Variants in CRYBG1 observed in about 807,000 individuals in gnomAD.
CRYBG1 encodes beta/gamma crystallin domain-containing protein 1.
A neutral mutation model predicts 189.2 loss-of-function variants in CRYBG1; 139 were observed. That is an observed-to-expected ratio of 0.73 (90% CI 0.64 to 0.85). The LOEUF (loss-of-function observed/expected upper bound fraction) is 0.85. CRYBG1 is among the 40% of genes least tolerant of loss of function. CRYBG1 has a pLI of 0.00. For missense variants in CRYBG1, 2,611 were observed against 2,675.8 expected, an observed-to-expected ratio of 0.98 and a Z score of 0.53; for synonymous variants, 1,023 against 1,017.1, an observed-to-expected ratio of 1.01 and a Z score of -0.11.
chr6:106,550,365 G>A (rs1415545685), intron 13 of CRYBG1, among the ~76,000 whole-genome samples: 1 of 152,156 alleles, frequency 6.6e-6, no homozygotes, highest in Non-Finnish European at 1.5e-5. Flanking sequence ...AGAGGATCAT[G>A]AGAATGATGA....
intron 1 of CRYBG1, among the ~76,000 whole-genome samples, chr6:106,413,293 T>A (rs1037763937): frequency 5.3e-5 from 8 of 152,154 alleles, no homozygotes; most frequent in Non-Finnish European, 1.0e-4. Context: ...AATCACACAG[T>A]CAGAGCAGGT....
chr6:106,482,193 T>C (rs1048852017), intron 2 of CRYBG1, among the ~76,000 whole-genome samples: 3 of 152,244 alleles, frequency 2.0e-5, no homozygotes, highest in South Asian at 4.1e-4. Flanking sequence ...GTAGAACTCA[T>C]AGCAACTTGC....
Position 106,451,675 on chromosome 6 carries a change from G to A in CRYBG1, c.174-19G>A, listed in dbSNP as rs1203650015. ...TTGTTCATAGTGTATTGACATGACT[G>A]TGGTTCCGTTCTTTGCAGAGCTTTG... On this transcript the variant is annotated intron_variant, in intron 1 of 21. Transcript: ENST00000633556. 2 of 1,528,838 alleles carry A rather than the reference G, an allele frequency of 1.3e-6. No homozygotes were observed. Among genetic ancestry groups the A allele is most frequent in the African/African-American group, 1.4e-5 (1 of 72,916 alleles). The allele number at this position is 1,528,838 out of a possible 1,614,324, so 94.7% of individuals were successfully genotyped here. A position where few individuals can be genotyped will look rare whatever the true frequency, so the allele number is the denominator to read the frequency against.
At chr6:106,555,680 T>G in intron 16 of CRYBG1, 88 bp from the exon 17 acceptor site, 1 of 1,470,556 alleles carries the variant, frequency 6.8e-7, no homozygotes, top group Non-Finnish European at 9.2e-7. Flanking sequence ...GTTTATTTTA[T>G]AGCAGGCCAC....
At position 106,456,444 on chromosome 6, in the gene CRYBG1, G is replaced by A. The variant is rs550482554; in HGVS notation, c.312+4612G>A. Among the ~76,000 whole-genome samples, 194 of 152,014 alleles carry A rather than the reference G, an allele frequency of 1.3e-3. 1 individual carries two copies. Among genetic ancestry groups the A allele is most frequent in the South Asian group, 8.9e-3 (43 of 4,820 alleles). ...CCCAAAGTGCTGGGATTACAGGCAT[G>A]AGCCACTACACCTGGCCTTAACAGC... is the stretch of plus-strand genomic sequence containing the variant. On this transcript the variant is annotated intron_variant, in intron 2 of 21. Coordinates refer to ENST00000633556, the MANE Select transcript of CRYBG1 (RefSeq NM_001371242.2).
Position 106,557,268 on chromosome 6 carries a change from A to G in CRYBG1, c.5716-1218A>G, listed in dbSNP as rs752593763. 1.6e-3 allele frequency among the ~76,000 whole-genome samples: 248 copies of G among 152,308 alleles called. 1 individual carries two copies. The highest frequency in any genetic ancestry group is 7.1e-4 in the Non-Finnish European group (48 of 68,024). ...TAGACCACACAAACTACTTCTACAC[A>G]CTAACATGCTCTGTTTACTGATGGA... On this transcript the variant is annotated intron_variant, in intron 17 of 21. Coordinates refer to ENST00000633556, the MANE Select transcript of CRYBG1 (RefSeq NM_001371242.2).
At position 106,519,286 on chromosome 6, in the gene CRYBG1, C is replaced by A; in HGVS notation, c.2078C>A (p.Pro693Gln). 6.2e-7 allele frequency: 1 copy of A among 1,614,032 alleles called. No individual in the cohort carries two copies. Among genetic ancestry groups the A allele is most frequent in the South Asian group, 1.1e-5 (1 of 91,070 alleles). ...GAAAACAAACGGACAAACAGTAGCC[C>A]AAGACACACTGACATTCGAGGCCAA... ...LFENKRTNSSPRHTDIRGQRN... is the reference protein window; with the variant it reads ...LFENKRTNSSQRHTDIRGQRN... The change falls in exon 4 of 22, where the codon CCA becomes CAA. Residue 693 changes from proline (P) to glutamine (Q), a missense_variant. Physicochemically the swap from Pro to Gln is moderately conservative, Grantham distance 76. Around this residue, in one of 3 missense-constraint regions of CRYBG1, gnomAD observed 1,622 missense variants for 1,735.0 expected, o/e 0.93. Transcript: ENST00000633556.
At chr6:106,436,361 C>G (rs796689503) in intron 1 of CRYBG1, among the ~76,000 whole-genome samples, 3 of 150,424 alleles carry the variant, frequency 2.0e-5, no homozygotes, top group Non-Finnish European at 2.9e-5. Flanking sequence ...TGCAGCGGCG[C>G]GATCTCGGCC....
chr6:106,514,145 C>G (rs1462145), intron 3 of CRYBG1, among the ~76,000 whole-genome samples: 36,026 of 152,066 alleles, frequency 0.24, 4,764 homozygotes, highest in Non-Finnish European at 0.3. Context: ...GGCCTTGTGC[C>G]TTGATGATAA....
At chr6:106,457,958 TAAA>T in intron 2 of CRYBG1, among the ~76,000 whole-genome samples, 1 of 152,346 alleles carries the variant, frequency 6.6e-6, no homozygotes, top group South Asian at 2.1e-4. Flanking sequence ...GATGCATTAA[TAAA>T]CTATGGAAAT....
chr6:106,483,403 A>ATATATAT (rs1448906912), intron 2 of CRYBG1, among the ~76,000 whole-genome samples: 68 of 105,076 alleles, frequency 6.5e-4, no homozygotes, highest in African/African-American at 1.6e-3. Context: ...TATATATATA[A>ATATATAT]AACATTTTCT....
intron 8 of CRYBG1, among the ~76,000 whole-genome samples, chr6:106,532,678 A>C (rs1169724257): frequency 6.6e-6 from 1 of 152,166 alleles, no homozygotes; most frequent in Non-Finnish European, 1.5e-5. Context: ...ACATTTTTTC[A>C]TATACCTCTT....
intron 9 of CRYBG1, 77 bp downstream of exon 9, chr6:106,539,606 A>G (rs1774084337): frequency 3.3e-6 from 5 of 1,497,328 alleles, no homozygotes; most frequent in Admixed American, 4.4e-5. Flanking sequence ...GTGACTTTGA[A>G]GCAATAAAGC....
At chr6:106,465,183 C>T (rs1772087349) in intron 2 of CRYBG1, among the ~76,000 whole-genome samples, 1 of 152,124 alleles carries the variant, frequency 6.6e-6, no homozygotes, top group African/African-American at 2.4e-5. Context: ...ATCTCTTCTC[C>T]ACGTGACCTT....
intron 2 of CRYBG1, among the ~76,000 whole-genome samples, chr6:106,471,696 T>A (rs998073634): frequency 1.3e-5 from 2 of 151,988 alleles, no homozygotes; most frequent in Admixed American, 6.6e-5. Context: ...GGAAGTGACG[T>A]GGCAGCCTCT....
chr6:106,564,940 T>C (rs1357360247), intron 21 of CRYBG1, among the ~76,000 whole-genome samples: 1 of 152,206 alleles, frequency 6.6e-6, no homozygotes, highest in Non-Finnish European at 1.5e-5. Context: ...GTATATTACA[T>C]ACTCTATTTT....
At chr6:106,507,084 G>A (rs1053072217) in intron 2 of CRYBG1, among the ~76,000 whole-genome samples, 4 of 152,198 alleles carry the variant, frequency 2.6e-5, no homozygotes, top group Admixed American at 6.5e-5. Context: ...GCCACACCAC[G>A]AAGGTTGAGA....
Position 106,451,851 on chromosome 6 carries a change from T to G in CRYBG1, c.312+19T>G. 1 of 1,531,524 alleles carries G rather than the reference T, an allele frequency of 6.5e-7. No homozygotes were observed. The highest frequency in any genetic ancestry group is 8.7e-7 in the Non-Finnish European group (1 of 1,144,306). 94.9% of individuals were successfully genotyped at this position (1,531,524 alleles called of 1,614,324 possible). A position where few individuals can be genotyped will look rare whatever the true frequency, so the allele number is the denominator to read the frequency against. On this transcript the variant is annotated intron_variant, in intron 2 of 21. Transcript: ENST00000633556. ...TAAAAAGGTAATGCTTCATTTCTAA[T>G]GTTTGACTCCCAAGAATAAACCCTT...
intron 1 of CRYBG1, among the ~76,000 whole-genome samples, chr6:106,439,050 GAAA>G (rs11313505): frequency 6.1e-5 from 8 of 131,808 alleles, no homozygotes; most frequent in African/African-American, 1.7e-4. Flanking sequence ...CTTAAAAAAT[GAAA>G]AAAAAAAAAA....
Sources: allele counts gnomAD v4.1 joint callset (sites outside exome capture counted in the v4.1 genomes callset), GRCh38; gene constraint gnomAD v4.1.1; regional missense constraint gnomAD v4.1.1; transcripts MANE v1.5; gene names NCBI Gene and HGNC (gene_info 2026-07-23, HGNC 2026-07-21).